TIAL1: variants seen among roughly 807,000 people sequenced by gnomAD.
TIAL1 encodes the protein nucleolysin TIAR.
Under a neutral mutation model 59.7 loss-of-function variants are expected in TIAL1, and 7 were observed. That is an observed-to-expected ratio of 0.12 (90% confidence interval 0.07 to 0.22). The LOEUF (loss-of-function observed/expected upper bound fraction) is 0.22, where lower values mean the gene tolerates loss of function less well. TIAL1 is among the 10% of genes least tolerant of loss of function. The pLI, the probability that TIAL1 is intolerant of heterozygous loss-of-function variation, is 1.00. For synonymous variants in TIAL1, 149 were observed against 146.3 expected, an observed-to-expected ratio of 1.02 and a Z score of -0.13; for missense variants, 225 against 462.5, an observed-to-expected ratio of 0.49 and a Z score of 4.71.
chr10:119,596,451 G>A lies in TIAL1; in HGVS notation c.15C>T (p.Asp5=), dbSNP rs768104973. The stretch of plus-strand genomic sequence containing the variant: ...GTACTCACAGAGTCCGGGGCTGCCC[G>A]TCGTCTTCCATCATGGTGGGTGCGA... MMED[D]GQPRTLYVGN... is the part of the protein sequence containing the mutation. Residue 5 remains aspartate, a synonymous_variant, in exon 1 of 12, where the codon GAC becomes GAT. Transcript: ENST00000436547. The A allele has an allele frequency of 3.2e-6, 5 of 1,583,196 alleles. No homozygotes were observed. Among genetic ancestry groups the A allele is most frequent in the Non-Finnish European group, 3.4e-6 (4 of 1,162,298 alleles).
At position 119,582,548 on chromosome 10, in the gene TIAL1, T is replaced by C. The variant is rs1323087814; in HGVS notation, c.139A>G (p.Asn47Asp). The C allele has an allele frequency of 6.2e-7, 1 of 1,612,372 alleles. No homozygotes were observed. The highest frequency in any genetic ancestry group is 8.5e-7 in the Non-Finnish European group (1 of 1,179,372). Residue 47 changes from asparagine to aspartate, a missense_variant, in exon 3 of 12, where the codon AAT becomes GAT. By Grantham distance (23) the Asn-to-Asp change is conservative (BLOSUM62 1). Coordinates refer to ENST00000436547, the MANE Select transcript of TIAL1 (RefSeq NM_003252.4). This position sits in a 1 kb window ranked among gnomAD's most constrained non-coding sequence, Gnocchi z 5.1. ...AATTCCACAAAGCAATATGGGTCAT[T>C]GCTTGTATGCTGCAAAACAGAAAAT... ...SCKMITEHTSNDPYCFVEFYE... is the reference protein window; with the variant it reads ...SCKMITEHTSDDPYCFVEFYE...
At chr10:119,583,615 A>G (rs1845400879) in intron 2 of TIAL1, among the ~76,000 whole-genome samples, 1 of 152,236 alleles carries the variant, frequency 6.6e-6, no homozygotes, top group African/African-American at 2.4e-5. Flanking sequence ...TTGGACTTAC[A>G]AGGGATAAAT....
intron 9 of TIAL1, 80 bp downstream of exon 9, chr10:119,577,371 A>G: frequency 6.8e-7 from 1 of 1,465,308 alleles, no homozygotes; most frequent in African/African-American, 1.4e-5. Context: ...AAAATAACAA[A>G]CACTGATACC....
At position 119,575,337 on chromosome 10, in the gene TIAL1, A is replaced by G; in HGVS notation, c.*328T>C. On this transcript the variant is annotated 3_prime_UTR_variant, in exon 12 of 12. Coordinates refer to ENST00000436547, the MANE Select transcript of TIAL1 (RefSeq NM_003252.4). The stretch of plus-strand genomic sequence containing the variant: ...GTGAGTTAAAATACTGAACAGCAAG[A>G]TAAAAATGGAATAGTATCTAAGAAT... 4.6e-6 allele frequency: 1 copy of G among 216,330 alleles called. No homozygotes were observed. Among genetic ancestry groups the G allele is most frequent in the South Asian group, 5.8e-5 (1 of 17,106 alleles). The allele number at this position is 216,330 out of a possible 1,614,324, so 13.4% of individuals were successfully genotyped here. A position where few individuals can be genotyped will look rare whatever the true frequency, so the allele number is the denominator to read the frequency against.
intron 1 of TIAL1, among the ~76,000 whole-genome samples, chr10:119,596,139 G>C (rs953021185): frequency 1.1e-4 from 17 of 152,098 alleles, no homozygotes; most frequent in African/African-American, 2.7e-4. Context: ...AGTTCTCCTG[G>C]GCCTGACAGC....
At position 119,581,875 on chromosome 10, in the gene TIAL1, C is replaced by A. The variant is rs751322850; in HGVS notation, c.371+47G>T. 30 of 1,362,780 alleles carry A rather than the reference C, an allele frequency of 2.2e-5. No individual in the cohort carries two copies. The African/African-American group carries it at 4.2e-4, about 19-fold the overall frequency. The allele number at this position is 1,362,780 out of a possible 1,614,324, so 84.4% of individuals were successfully genotyped here. ...AATTCAATTACAAGTTAATCATATA[C>A]AATTCTGCCTATCATGACTGAGTGT... On this transcript the variant is annotated intron_variant, in intron 5 of 11. Coordinates refer to ENST00000436547, the MANE Select transcript of TIAL1 (RefSeq NM_003252.4).
At chr10:119,589,209 T>C (rs1007687657) in intron 1 of TIAL1, among the ~76,000 whole-genome samples, 13 of 152,148 alleles carry the variant, frequency 8.5e-5, no homozygotes, top group African/African-American at 3.1e-4. Context: ...CAACAAAATA[T>C]ATATGTATTT....
chr10:119,588,278 A>G lies in TIAL1; in HGVS notation c.33-30T>C, dbSNP rs183370572. The G allele has an allele frequency of 3.2e-4, 452 of 1,412,752 alleles. 3 individuals are homozygous for G. In the African/African-American group the frequency reaches 5.0e-3, roughly 16 times the overall value. The allele number at this position is 1,412,752 out of a possible 1,614,324, so 87.5% of individuals were successfully genotyped here. Reference sequence around the variant, plus strand: ...ACAAGAAAAAAATACGTTATCAGCAATTTTTCCTTTAGCTCTGGCTCTAAT... The same window carrying G: ...ACAAGAAAAAAATACGTTATCAGCAGTTTTTCCTTTAGCTCTGGCTCTAAT... On this transcript the variant is annotated intron_variant, in intron 1 of 11. Coordinates refer to ENST00000436547, the MANE Select transcript of TIAL1 (RefSeq NM_003252.4).
At chr10:119,585,018 G>C (rs1182694594) in intron 2 of TIAL1, among the ~76,000 whole-genome samples, 1 of 151,404 alleles carries the variant, frequency 6.6e-6, no homozygotes, top group Non-Finnish European at 1.5e-5. Context: ...AGCTACTTGG[G>C]AGGCTGAGGC....
chr10:119,578,896 T>C, intron 6 of TIAL1, 62 bp from the exon 7 acceptor site: 2 of 1,260,458 alleles, frequency 1.6e-6, no homozygotes, highest in East Asian at 2.4e-5. Flanking sequence ...CTCTGTAAGA[T>C]GAAATAAAAT....
At chr10:119,575,838 A>T in intron 11 of TIAL1, 47 bp from the exon 12 acceptor site, 1 of 1,509,936 alleles carries the variant, frequency 6.6e-7, no homozygotes, top group Non-Finnish European at 8.8e-7. Context: ...GAAAAAAAAA[A>T]TCACATATGT....
In TIAL1 at chr10:119,577,151, T is replaced by C. The variant is rs1322665803; in HGVS notation, c.790A>G (p.Thr264Ala). 5 of 1,613,640 alleles carry C rather than the reference T, an allele frequency of 3.1e-6. No homozygotes were observed. The highest frequency in any genetic ancestry group is 4.2e-6 in the Non-Finnish European group (5 of 1,179,910). Residue 264 changes from threonine to alanine, a missense_variant, in exon 10 of 12, where the codon ACG (threonine) becomes GCG (alanine). Transcript: ENST00000436547. Reference sequence around the variant, plus strand: ...CATTTAACCACATGTCCTTCAATCGTAGTACCGTTCACCGAAACAATGGCA... The same window carrying C: ...CATTTAACCACATGTCCTTCAATCGCAGTACCGTTCACCGAAACAATGGCA... ...AHAIVSVNGT[T>A]IEGHVVKCYW... is the part of the protein sequence containing the mutation.
intron 7 of TIAL1, among the ~76,000 whole-genome samples, chr10:119,578,083 G>A (rs12247940): frequency 0.051 from 7,812 of 152,024 alleles, 224 homozygotes; most frequent in Middle Eastern, 0.082. Flanking sequence ...AAATTGGCTG[G>A]GTGTGGTGGC....
intron 1 of TIAL1, among the ~76,000 whole-genome samples, chr10:119,591,407 GA>G (rs796544851): frequency 0.014 from 1,765 of 128,552 alleles, 38 homozygotes; most frequent in South Asian, 0.11. Context: ...AACTCCATCT[GA>G]AAAAAAAAAA....
At chr10:119,596,374 T>C (rs1846191049) in intron 1 of TIAL1, 60 bp downstream of exon 1, 1 of 1,599,968 alleles carries the variant, frequency 6.3e-7, no homozygotes, top group Non-Finnish European at 8.5e-7. Context: ...GCTCCCTCCC[T>C]TAGCGTCCCG....
At chr10:119,578,264 GGGA>G (rs1214108190) in intron 7 of TIAL1, among the ~76,000 whole-genome samples, 1 of 150,004 alleles carries the variant, frequency 6.7e-6, no homozygotes, top group Non-Finnish European at 1.5e-5. Context: ...ATGCCTCAAT[GGGA>G]GGAGAAAACA....
At position 119,576,713 on chromosome 10, in the gene TIAL1, T is replaced by C; in HGVS notation, c.899A>G (p.Tyr300Cys). ...CTGTCCATACTGTTGTGGGTTTCCA[T>C]ACACTTGGCTCCATTGGCCCCATTG... is the stretch of plus-strand genomic sequence containing the variant. The part of the protein sequence containing the change: ...YSQWGQWSQV[Y>C]GNPQQYGQYM... The change falls in exon 11 of 12, where the codon TAT (tyrosine) becomes TGT (cysteine). Residue 300 changes from tyrosine (Y) to cysteine (C), a missense_variant. Transcript: ENST00000436547. 1 of 1,614,138 alleles carries C rather than the reference T, an allele frequency of 6.2e-7. No homozygotes were observed. Among genetic ancestry groups the C allele is most frequent in the Non-Finnish European group, 8.5e-7 (1 of 1,180,004 alleles).
intron 11 of TIAL1, 56 bp downstream of exon 11, chr10:119,576,555 T>G: frequency 6.3e-7 from 1 of 1,583,542 alleles, no homozygotes; most frequent in Non-Finnish European, 8.6e-7. Context: ...AAACACACTT[T>G]TATTTATTTT....
intron 2 of TIAL1, among the ~76,000 whole-genome samples, chr10:119,585,574 T>A (rs1845531003): frequency 6.6e-6 from 1 of 152,196 alleles, no homozygotes. Flanking sequence ...ATCTAGGAGT[T>A]CTAGAATATG....
Sources: allele counts gnomAD v4.1 joint callset (sites outside exome capture counted in the v4.1 genomes callset), GRCh38; gene constraint gnomAD v4.1.1; non-coding constraint Gnocchi (gnomAD v3.1); transcripts MANE v1.5; gene names NCBI Gene and HGNC (gene_info 2026-07-23, HGNC 2026-07-21).